Variants in EGLN3 observed in about 807,000 individuals in gnomAD.
EGLN3 encodes the protein prolyl hydroxylase EGLN3.
A neutral mutation model predicts 26.0 loss-of-function variants in EGLN3; 15 were observed. The ratio of observed to expected loss-of-function variants is 0.58; its 90% CI spans 0.39 to 0.89. The LOEUF (loss-of-function observed/expected upper bound fraction) is 0.89, where lower values mean the gene tolerates loss of function less well. EGLN3 is among the 40% of genes least tolerant of loss of function. The pLI is 0.00. For missense variants in EGLN3, 238 were observed against 311.6 expected (o/e 0.76, Z 1.78); for synonymous variants, 147 against 127.2 (o/e 1.16, Z -1.05).
intron 4 of EGLN3, 70 bp downstream of exon 4, chr14:33,926,890 A>G: frequency 8.4e-7 from 1 of 1,186,036 alleles, no homozygotes; most frequent in Middle Eastern, 2.1e-4. Context: ...CATGTTTAAA[A>G]CTACATAAAA....
intron 1 of EGLN3, among the ~76,000 whole-genome samples, chr14:33,941,373 G>A (rs1375626813): frequency 6.6e-6 from 1 of 151,652 alleles, no homozygotes. Flanking sequence ...TGTGACTCGG[G>A]TATTTCTAGG....
In EGLN3 at chr14:33,950,418, T is replaced by C. The variant is rs199995657; in HGVS notation, c.335A>G (p.Tyr112Cys). The change falls in exon 1 of 5, where the codon TAC becomes TGC. Residue 112 changes from tyrosine to cysteine, a missense_variant. Tyr to Cys is a radical substitution (Grantham distance 194). Transcript: ENST00000250457. ...VLYCGSRLGK[Y>C]YVKERSKAMV... Reference sequence around the variant, plus strand: ...TACCTTAGACCTCTCCTTGACGTAGTATTTGCCCAGCCGGCTCCCGCAGTA... The same window carrying C: ...TACCTTAGACCTCTCCTTGACGTAGCATTTGCCCAGCCGGCTCCCGCAGTA... 6.2e-7 allele frequency: 1 copy of C among 1,613,102 alleles called. No individual in the cohort carries two copies. The highest frequency in any genetic ancestry group is 2.2e-5 in the East Asian group (1 of 44,860).
chr14:33,941,047 T>A (rs549810298), intron 1 of EGLN3, among the ~76,000 whole-genome samples: 133 of 152,326 alleles, frequency 8.7e-4, no homozygotes, highest in Non-Finnish European at 1.6e-3. Context: ...TAATTCCTTA[T>A]AATCCTAGAA....
chr14:33,944,371 C>A (rs888891997), intron 1 of EGLN3, among the ~76,000 whole-genome samples: 2 of 152,106 alleles, frequency 1.3e-5, no homozygotes, highest in South Asian at 2.1e-4. Flanking sequence ...CTGCCCGCCT[C>A]GGCCTCCCAA....
chr14:33,931,312 G>A (rs2064401982), intron 1 of EGLN3, 97 bp from the exon 2 acceptor site: 1 of 1,552,612 alleles, frequency 6.4e-7, no homozygotes, highest in African/African-American at 1.4e-5. Flanking sequence ...CTCCTTGGGT[G>A]TTACGTGACA....
chr14:33,927,867 GC>G (rs1286302199), intron 3 of EGLN3, among the ~76,000 whole-genome samples: 2 of 152,236 alleles, frequency 1.3e-5, no homozygotes, highest in African/African-American at 4.8e-5. Context: ...TAATAATAAT[GC>G]CCCAGAGCTT....
chr14:33,927,615 G>A (rs10138194), intron 3 of EGLN3, among the ~76,000 whole-genome samples: 82,123 of 152,042 alleles, frequency 0.54, 22,749 homozygotes, highest in South Asian at 0.71. Context: ...GCGATCTCAG[G>A]CTCCAAGTAG....
At position 33,950,746 on chromosome 14, in the gene EGLN3, G is replaced by A. The variant is rs1406472566; in HGVS notation, c.7C>T (p.Leu3=). 6.2e-7 allele frequency: 1 copy of A among 1,602,660 alleles called. No individual in the cohort carries two copies. The highest frequency in any genetic ancestry group is 1.3e-5 in the African/African-American group (1 of 74,648). Residue 3 remains leucine (L), a synonymous_variant, in exon 1 of 5, where the codon CTG becomes TTG. Coordinates refer to ENST00000250457, the MANE Select transcript of EGLN3 (RefSeq NM_022073.4). ...AGGTCCAGCCTCATGATGTGTCCCA[G>A]GGGCATCTCGCCCGCAGAATCGAGG... MP[L]GHIMRLDLEK...
rs1177018296 is a variant in EGLN3, at chr14:33,926,053, C to A, written c.689-131G>T. The A allele has an allele frequency of 1.9e-5, 15 of 803,206 alleles. No homozygotes were observed. The East Asian group carries it at 3.8e-4, about 20-fold the overall frequency. 49.8% of individuals were successfully genotyped at this position (803,206 alleles called of 1,614,324 possible). A position where few individuals can be genotyped will look rare whatever the true frequency, so the allele number is the denominator to read the frequency against. The stretch of plus-strand genomic sequence containing the variant: ...ATATAAGCCTCCTAATAGAGCTCTG[C>A]CAAAGGATTCTCTCTTGACTTTGCA... On this transcript the variant is annotated intron_variant, in intron 4 of 4. Transcript: ENST00000250457.
intron 1 of EGLN3, 42 bp from the exon 2 acceptor site, chr14:33,931,257 C>T (rs1252560693): frequency 3.7e-6 from 6 of 1,613,180 alleles, no homozygotes; most frequent in Non-Finnish European, 5.1e-6. Context: ...AAAGCTGAGA[C>T]AGACAATCTT....
chr14:33,936,179 G>A (rs539563961), intron 1 of EGLN3, among the ~76,000 whole-genome samples: 11 of 152,050 alleles, frequency 7.2e-5, no homozygotes, highest in African/African-American at 2.2e-4. Flanking sequence ...GCAGTGAGCC[G>A]AGATCGCACC....
intron 3 of EGLN3, among the ~76,000 whole-genome samples, chr14:33,927,466 G>A (rs1375391894): frequency 1.3e-5 from 2 of 152,026 alleles, no homozygotes; most frequent in Non-Finnish European, 2.9e-5. Flanking sequence ...GCCTGTCTAC[G>A]CTGATTTTAA....
In EGLN3 at chr14:33,933,314, G is replaced by GAAA. The variant is rs5807751; in HGVS notation, c.358-2102_358-2100dup. 7.4e-3 allele frequency among the ~76,000 whole-genome samples: 1,026 copies of GAAA among 139,334 alleles called. 9 individuals are homozygous for GAAA. Among genetic ancestry groups the GAAA allele is most frequent in the African/African-American group, 0.022 (817 of 37,328 alleles). 91.4% of individuals were successfully genotyped at this position (139,334 alleles called of 152,430 possible). A position where few individuals can be genotyped will look rare whatever the true frequency, so the allele number is the denominator to read the frequency against. ...AGAACTCAGCTCAGATTAAAATATTGAAAAAAAAAAAAAAGATGGATACAA... is the reference window on the plus strand; with the variant it reads ...AGAACTCAGCTCAGATTAAAATATTGAAAAAAAAAAAAAAAAAGATGGATACAA... On this transcript the variant is annotated intron_variant, in intron 1 of 4. Transcript: ENST00000250457.
intron 1 of EGLN3, among the ~76,000 whole-genome samples, chr14:33,937,421 C>T (rs1338546930): frequency 6.6e-6 from 1 of 152,206 alleles, no homozygotes; most frequent in African/African-American, 2.4e-5. Flanking sequence ...TATTCTATTT[C>T]CTGACTTCTA....
At chr14:33,930,256 G>A (rs988625586) in intron 2 of EGLN3, among the ~76,000 whole-genome samples, 3 of 152,108 alleles carry the variant, frequency 2.0e-5, no homozygotes, top group Admixed American at 6.5e-5. Flanking sequence ...GATTTTAAAG[G>A]AGACTTAATG....
intron 1 of EGLN3, among the ~76,000 whole-genome samples, chr14:33,932,761 C>T (rs1054939695): frequency 2.0e-5 from 3 of 152,054 alleles, no homozygotes; most frequent in Non-Finnish European, 4.4e-5. Context: ...TGTGAGGCGA[C>T]GTCAGCAATG....
At chr14:33,934,955 G>C (rs1361292955) in intron 1 of EGLN3, among the ~76,000 whole-genome samples, 1 of 152,166 alleles carries the variant, frequency 6.6e-6, no homozygotes, top group African/African-American at 2.4e-5. Flanking sequence ...CTGGTTGAAG[G>C]AGCTTTAAAC....
At chr14:33,936,769 G>T (rs1337035388) in intron 1 of EGLN3, among the ~76,000 whole-genome samples, 1 of 131,158 alleles carries the variant, frequency 7.6e-6, no homozygotes, top group African/African-American at 3.0e-5. Flanking sequence ...AAAGGCTGGA[G>T]AAAAAAAAAA....
At chr14:33,937,866 C>T (rs1214834527) in intron 1 of EGLN3, among the ~76,000 whole-genome samples, 2 of 152,094 alleles carry the variant, frequency 1.3e-5, no homozygotes, top group Non-Finnish European at 1.5e-5. Flanking sequence ...AAGTAATAAC[C>T]GACTCTCGGT....
Sources: gnomAD v4.1 joint callset for allele counts (sites outside exome capture counted in the v4.1 genomes callset) on GRCh38, gnomAD v4.1.1 for gene constraint, MANE v1.5 for transcripts, NCBI Gene and HGNC (gene_info 2026-07-23, HGNC 2026-07-21) for gene names.